LUZP2: variants seen among roughly 807,000 people sequenced by gnomAD.
The protein encoded by LUZP2 is leucine zipper protein 2.
LUZP2 carries 52 observed loss-of-function variants against 51.6 expected under a neutral mutation model. The observed-to-expected ratio is 1.01, with a 90% confidence interval of 0.81 to 1.27. The LOEUF is 1.27. Among genes scored for constraint, LUZP2 ranks in the 50% most tolerant of loss-of-function variants. The pLI is 0.00. For missense variants in LUZP2, 436 were observed against 395.4 expected (o/e 1.10, Z -0.87); for synonymous variants, 154 against 137.3 (o/e 1.12, Z -0.85).
At chr11:24,657,975 A>G (rs1167155385) in intron 1 of LUZP2, among the ~76,000 whole-genome samples, 2 of 152,218 alleles carry the variant, frequency 1.3e-5, no homozygotes, top group Non-Finnish European at 1.5e-5. Flanking sequence ...GGAAGAATCA[A>G]TATCGTGAAA....
chr11:24,499,819 A>G (rs1849936712), intron 1 of LUZP2, among the ~76,000 whole-genome samples: 1 of 152,064 alleles, frequency 6.6e-6, no homozygotes, highest in Admixed American at 6.5e-5. Context: ...GCATTGCCTT[A>G]ATACTTTGCT....
intron 7 of LUZP2, among the ~76,000 whole-genome samples, chr11:24,938,117 A>T (rs75578191): frequency 0.011 from 1,633 of 152,222 alleles, 34 homozygotes; most frequent in African/African-American, 0.037. Context: ...GAAGAAAAAA[A>T]CCCAAATAAC....
chr11:24,555,129 C>A (rs1851828296), intron 1 of LUZP2, among the ~76,000 whole-genome samples: 1 of 152,040 alleles, frequency 6.6e-6, no homozygotes, highest in African/African-American at 2.4e-5. Flanking sequence ...CAATTTTAAA[C>A]AGCTTATTTC....
intron 11 of LUZP2, among the ~76,000 whole-genome samples, chr11:25,077,907 T>G (rs11028406): frequency 0.37 from 55,880 of 151,998 alleles, 11,934 homozygotes; most frequent in East Asian, 0.79. Flanking sequence ...AAGGCTGCTC[T>G]GCTTTCTACT....
intron 4 of LUZP2, among the ~76,000 whole-genome samples, chr11:24,750,807 T>G (rs1355169452): frequency 6.6e-6 from 1 of 152,164 alleles, no homozygotes; most frequent in African/African-American, 2.4e-5. Context: ...TATAAATATA[T>G]TAATGTTTCC....
intron 5 of LUZP2, among the ~76,000 whole-genome samples, chr11:24,763,657 C>T (rs1044348430): frequency 1.3e-5 from 2 of 151,954 alleles, no homozygotes; most frequent in Admixed American, 6.6e-5. Flanking sequence ...AAATTGGCTG[C>T]GTGCTAGAAA....
At chr11:24,755,840 T>C (rs1350053051) in intron 4 of LUZP2, among the ~76,000 whole-genome samples, 1 of 152,156 alleles carries the variant, frequency 6.6e-6, no homozygotes, top group African/African-American at 2.4e-5. Context: ...TTATTTTACC[T>C]CAAAATATGT....
At chr11:25,065,234 G>A (rs1461948535) in intron 10 of LUZP2, among the ~76,000 whole-genome samples, 1 of 151,976 alleles carries the variant, frequency 6.6e-6, no homozygotes, top group East Asian at 1.9e-4. Flanking sequence ...GTCCCACAAA[G>A]CACCTGGCAC....
At chr11:25,051,294 G>A (rs1435438321) in intron 10 of LUZP2, among the ~76,000 whole-genome samples, 2 of 151,592 alleles carry the variant, frequency 1.3e-5, no homozygotes, top group South Asian at 4.2e-4. Flanking sequence ...TCCTGCCTGG[G>A]CGACAGAGCG....
chr11:24,926,277 ATATATATATACGTGTG>A (rs1436516659), intron 7 of LUZP2, among the ~76,000 whole-genome samples: 24 of 45,254 alleles, frequency 5.3e-4, no homozygotes, highest in African/African-American at 1.6e-3. Flanking sequence ...ATATACGTGT[ATATATATATACGTGTG>A]TATATATATA....
intron 1 of LUZP2, among the ~76,000 whole-genome samples, chr11:24,724,881 A>C (rs1241360211): frequency 6.6e-6 from 1 of 152,202 alleles, no homozygotes. Flanking sequence ...ATATCTATTT[A>C]GACAATTAAA....
At chr11:24,540,349 G>A (rs1346071450) in intron 1 of LUZP2, among the ~76,000 whole-genome samples, 1 of 152,046 alleles carries the variant, frequency 6.6e-6, no homozygotes, top group Non-Finnish European at 1.5e-5. Flanking sequence ...GGGGCCTTTG[G>A]GAGGCAATTA....
chr11:24,843,994 A>C (rs979183679), intron 5 of LUZP2, among the ~76,000 whole-genome samples: 3 of 152,150 alleles, frequency 2.0e-5, no homozygotes, highest in Non-Finnish European at 2.9e-5. Flanking sequence ...AGCAGTGTGA[A>C]AACGAACTAA....
At chr11:24,625,468 G>A (rs1383540755) in intron 1 of LUZP2, among the ~76,000 whole-genome samples, 2 of 151,692 alleles carry the variant, frequency 1.3e-5, no homozygotes, top group African/African-American at 4.8e-5. Context: ...GCTTCATTGT[G>A]GTGATTTATT....
At chr11:25,070,770 G>GGTGTGTGTGTGTGTGT (rs67504954) in intron 10 of LUZP2, among the ~76,000 whole-genome samples, 1 of 141,284 alleles carries the variant, frequency 7.1e-6, no homozygotes, top group Non-Finnish European at 1.5e-5. Flanking sequence ...GACTGTGTAT[G>GGTGTGTGTGTGTGTGT]GTGTGTGTGT....
rs529780378 is a variant in LUZP2, at chr11:24,774,847, A to G, written c.396+11539A>G. On this transcript the variant is annotated intron_variant, in intron 5 of 11. Transcript: ENST00000336930. The stretch of plus-strand genomic sequence containing the variant: ...TATAGAATACATTCTATATATATGT[A>G]GAATATATATAAAGAATATATATGT... Among the ~76,000 whole-genome samples the G allele has an allele frequency of 1.3e-3, 190 of 143,306 alleles. 4 individuals carry two copies. Among genetic ancestry groups the G allele is most frequent in the Admixed American group, 0.012 (161 of 13,652 alleles). The allele number at this position is 143,306 out of a possible 152,430, so 94.0% of individuals were successfully genotyped here.
At chr11:24,672,678 C>A (rs1173900887) in intron 1 of LUZP2, among the ~76,000 whole-genome samples, 1 of 152,270 alleles carries the variant, frequency 6.6e-6, no homozygotes, top group Non-Finnish European at 1.5e-5. Context: ...GGGATTTCGT[C>A]CTTGTGCAAA....
At chr11:24,519,618 A>G (rs988652824) in intron 1 of LUZP2, among the ~76,000 whole-genome samples, 2 of 152,074 alleles carry the variant, frequency 1.3e-5, no homozygotes, top group Admixed American at 6.6e-5. Flanking sequence ...CATCCAGGAT[A>G]CAGCTTCAGT....
intron 5 of LUZP2, among the ~76,000 whole-genome samples, chr11:24,805,654 T>C (rs1849832686): frequency 6.6e-6 from 1 of 152,202 alleles, no homozygotes; most frequent in Admixed American, 6.5e-5. Flanking sequence ...GGAAGTATTT[T>C]AATCTTTGAA....
Sources: gnomAD v4.1 joint callset for allele counts (sites outside exome capture counted in the v4.1 genomes callset) on GRCh38, gnomAD v4.1.1 for gene constraint, MANE v1.5 for transcripts, NCBI Gene and HGNC (gene_info 2026-07-23, HGNC 2026-07-21) for gene names.